The following AGAP2 variants were observed in gnomAD, a reference collection of about 807,000 sequenced individuals.
AGAP2 encodes the protein ArfGAP with GTPase domain, ankyrin repeat and PH domain 2.
Under a neutral mutation model 110.9 loss-of-function variants are expected in AGAP2, and 32 were observed. The ratio of observed to expected loss-of-function variants is 0.29; its 90% CI spans 0.22 to 0.39. The LOEUF (loss-of-function observed/expected upper bound fraction) is 0.39. Among genes scored for constraint, AGAP2 ranks in the 10% least tolerant of loss-of-function variants. The pLI, the probability that AGAP2 is intolerant of heterozygous loss-of-function variation, is 1.00. For missense variants in AGAP2, 1,285 were observed against 1,638.5 expected, an observed-to-expected ratio of 0.78 and a Z score of 3.72; for synonymous variants, 702 against 713.0, an observed-to-expected ratio of 0.98 and a Z score of 0.25.
rs745325358 is a variant in AGAP2 at position 57,731,956 on chromosome 12, C to G, written c.1806G>C (p.Gly602=). The G allele has an allele frequency of 1.2e-6, 2 of 1,613,464 alleles. No individual in the cohort carries two copies. The highest frequency in any genetic ancestry group is 2.2e-5 in the East Asian group (1 of 44,870). The change falls in exon 8 of 19, where the codon GGG becomes GGC. Residue 602 remains glycine, a synonymous_variant. Coordinates refer to ENST00000547588, the MANE Select transcript of AGAP2 (RefSeq NM_001122772.3). ...STPVAGQASN[G]GHTSDYSSSL... ...AAGAAGAGTAGTCGCTAGTGTGGCC[C>G]CCGTTACTAGCCTGGGCACATATGG...
Position 57,737,385 on chromosome 12 carries a change from C to G in AGAP2, c.862G>C (p.Gly288Arg), listed in dbSNP as rs1291957842. ...GGGAGGGTTAGCGGAGGAGGAGAGC[C>G]GGCAGGCGGTCCCGGATGCAAGTCA... ...NSDLHPGPPA[G>R]SPPPLTLPPT... Residue 288 changes from glycine to arginine, a missense_variant, in exon 1 of 19, where the codon GGC becomes CGC. Coordinates refer to ENST00000547588, the MANE Select transcript of AGAP2 (RefSeq NM_001122772.3). The surrounding 1 kb of genome is among the most constrained non-coding windows in gnomAD (Gnocchi z 5.9). The G allele has an allele frequency of 6.2e-7, 1 of 1,613,668 alleles. No individual in the cohort carries two copies. Among genetic ancestry groups the G allele is most frequent in the Non-Finnish European group, 8.5e-7 (1 of 1,179,814 alleles).
In AGAP2 at chr12:57,736,925, T is replaced by C. The variant is rs528158624; in HGVS notation, c.1168+154A>G. ...TACTCGCCCCGCTTCAGGACTCCTA[T>C]TCTTTGCCCCAATCCTTGACAGAGG... On this transcript the variant is annotated intron_variant, in intron 1 of 18. Transcript: ENST00000547588. Among the ~76,000 whole-genome samples, 10 of 152,316 alleles carry C rather than the reference T, an allele frequency of 6.6e-5. No homozygotes were observed. The South Asian group carries it at 1.7e-3, about 25-fold the overall frequency.
At chr12:57,740,676 GC>G (rs1388903787), upstream of AGAP2, among the ~76,000 whole-genome samples, 1 of 152,056 alleles carries the variant, frequency 6.6e-6, no homozygotes, top group Non-Finnish European at 1.5e-5. Flanking sequence ...TCCCTAGGAG[GC>G]CCCATGGCCC....
rs965547478 is a variant in AGAP2, at chr12:57,730,690, C to T, written c.2309-76G>A. ...CCTTATGTGGTCCCTCTTTATCACC[C>T]AGCTTCCTACTCGCCCAGTGCCAGC... On this transcript the variant is annotated intron_variant, in intron 11 of 18. Coordinates refer to ENST00000547588, the MANE Select transcript of AGAP2 (RefSeq NM_001122772.3). The T allele has an allele frequency of 3.7e-6, 6 of 1,605,320 alleles. No individual in the cohort carries two copies. The African/African-American group carries it at 4.0e-5, about 11-fold the overall frequency.
At position 57,737,992 on chromosome 12, in the gene AGAP2, G is replaced by C. The variant is rs1032545027; in HGVS notation, c.255C>G (p.Thr85=). The change falls in exon 1 of 19, where the codon ACC becomes ACG. Residue 85 remains threonine, a synonymous_variant. Coordinates refer to ENST00000547588, the MANE Select transcript of AGAP2 (RefSeq NM_001122772.3). This position sits in a 1 kb window ranked among gnomAD's most constrained non-coding sequence, Gnocchi z 5.9. The part of the protein sequence containing the change: ...ALWISTSSAG[T]GGAEPPALSP... ...ACAGGGCTGGGGGCTCCGCGCCCCC[G>C]GTGCCCGCGCTGCTCGTGCTGATCC... The C allele has an allele frequency of 1.8e-5, 26 of 1,457,350 alleles. No homozygotes were observed. The East Asian group carries it at 6.2e-4, about 35-fold the overall frequency. 90.3% of individuals were successfully genotyped at this position (1,457,350 alleles called of 1,614,324 possible). A position where few individuals can be genotyped will look rare whatever the true frequency, so the allele number is the denominator to read the frequency against.
chr12:57,727,744 C>A lies in AGAP2; in HGVS notation c.2794G>T (p.Val932Leu). The A allele has an allele frequency of 6.3e-7, 1 of 1,589,228 alleles. No individual in the cohort carries two copies. Among genetic ancestry groups the A allele is most frequent in the South Asian group, 1.2e-5 (1 of 86,540 alleles). ...KLRTDSQSEA[V>L]AIQAIRNAKG... Reference sequence around the variant, plus strand: ...GCGTTCCGGATCGCCTGGATGGCCACGGCCTCGCTTTGGCTGTCTGTGCGC... The same window carrying A: ...GCGTTCCGGATCGCCTGGATGGCCAAGGCCTCGCTTTGGCTGTCTGTGCGC... Residue 932 changes from valine (V) to leucine (L), a missense_variant, in exon 16 of 19, where the codon GTG becomes TTG. Around this residue, in one of 7 missense-constraint regions of AGAP2, gnomAD observed 39 missense variants for 45.8 expected, o/e 0.85. Coordinates refer to ENST00000547588, the MANE Select transcript of AGAP2 (RefSeq NM_001122772.3).
chr12:57,731,095 G>T, intron 10 of AGAP2, 142 bp from the exon 11 acceptor site: 1 of 959,210 alleles, frequency 1.0e-6, no homozygotes, highest in Non-Finnish European at 1.5e-6. Flanking sequence ...TAGGGGATGG[G>T]CCCATCAGAC....
chr12:57,728,480 G>A (rs1595082448), intron 13 of AGAP2, 103 bp from the exon 14 acceptor site: 26 of 1,201,368 alleles, frequency 2.2e-5, no homozygotes, highest in Non-Finnish European at 3.0e-5. Context: ...GAGAGATGGA[G>A]AGAGATAGTG....
In AGAP2 at chr12:57,738,625, C is replaced by G. The variant is rs1338102761; in HGVS notation, c.-379G>C. 6.6e-6 allele frequency among the ~76,000 whole-genome samples: 1 copy of G among 151,486 alleles called. No individual in the cohort carries two copies. The highest frequency in any genetic ancestry group is 1.5e-5 in the Non-Finnish European group (1 of 67,794). ...GAGGAAAAGGGAGCAGAAAAGGGGA[C>G]CGGAGGCTAGGGGAAACGAACCTGT... On this transcript the variant is annotated 5_prime_UTR_variant, in exon 1 of 19. Coordinates refer to ENST00000547588, the MANE Select transcript of AGAP2 (RefSeq NM_001122772.3). The surrounding 1 kb of genome is among the most constrained non-coding windows in gnomAD (Gnocchi z 6.7).
At position 57,729,765 on chromosome 12, in the gene AGAP2, A is replaced by G. The variant is rs761754976; in HGVS notation, c.2431T>C (p.Cys811Arg). 5.6e-6 allele frequency: 9 copies of G among 1,602,060 alleles called. No individual in the cohort carries two copies. The highest frequency in any genetic ancestry group is 7.7e-6 in the Non-Finnish European group (9 of 1,175,686). The change falls in exon 13 of 19, where the codon TGT (cysteine) becomes CGT (arginine). Residue 811 changes from cysteine (C) to arginine (R), a missense_variant and splice_region_variant. Cys to Arg is a radical substitution (Grantham distance 180). Transcript: ENST00000547588. ...GGGCTCAGGTCTCCAGATGGGGTACAGTCTTAGGGAGGAAGACACAGCTGC... is the reference window on the plus strand; with the variant it reads ...GGGCTCAGGTCTCCAGATGGGGTACGGTCTTAGGGAGGAAGACACAGCTGC... ...RNLARALSTDCTPSGDLSPLS... is the reference protein window; with the variant it reads ...RNLARALSTDRTPSGDLSPLS...
At chr12:57,734,846 G>A (rs941663666) in intron 2 of AGAP2, among the ~76,000 whole-genome samples, 167 bp from the exon 3 acceptor site, 5 of 151,956 alleles carry the variant, frequency 3.3e-5, no homozygotes. Context: ...AGAGCAGCTG[G>A]GGGGATCAGA....
rs1205150552 is a variant in AGAP2, at chr12:57,726,626, CGGTGATGCTGGGCGTGGT to C, written c.3487_3504del (p.Thr1163_Thr1168del). The C allele has an allele frequency of 2.9e-5, 35 of 1,200,286 alleles. No individual in the cohort carries two copies. Among genetic ancestry groups the C allele is most frequent in the Non-Finnish European group, 3.5e-5 (34 of 967,986 alleles). 74.4% of individuals were successfully genotyped at this position (1,200,286 alleles called of 1,614,324 possible). ...CTCCGGCGGCGGGGGCTGGGCGTGG[CGGTGATGCTGGGCGTGGT>C]GGCCGCGCTGGGCGTGGTGGCCGCG... On this transcript the variant is annotated inframe_deletion, in exon 19 of 19. Coordinates refer to ENST00000547588, the MANE Select transcript of AGAP2 (RefSeq NM_001122772.3). The surrounding 1 kb of genome is among the most constrained non-coding windows in gnomAD (Gnocchi z 5.7).
At position 57,725,337 on chromosome 12, in the gene AGAP2, GAAAAAAAA is replaced by G. The variant is rs34556182; in HGVS notation, c.*1207_*1214del. 2 of 119,128 alleles carry G rather than the reference GAAAAAAAA, an allele frequency of 1.7e-5. No individual in the cohort carries two copies. Among genetic ancestry groups the G allele is most frequent in the Non-Finnish European group, 3.4e-5 (2 of 59,156 alleles). 7.4% of individuals were successfully genotyped at this position (119,128 alleles called of 1,614,324 possible). A position where few individuals can be genotyped will look rare whatever the true frequency, so the allele number is the denominator to read the frequency against. On this transcript the variant is annotated 3_prime_UTR_variant, in exon 19 of 19. Transcript: ENST00000547588. ...GGTCCTTTGCAAACTATTTTAGCCA[GAAAAAAAA>G]AAAAAAAAAAAGACCGGAAACCACT...
At chr12:57,730,640 T>G (rs2140357870) in intron 11 of AGAP2, 26 bp from the exon 12 acceptor site, 1 of 1,609,480 alleles carries the variant, frequency 6.2e-7, no homozygotes, top group Middle Eastern at 1.7e-4. Context: ...GAAACCTCAG[T>G]GAGCCTCTTT....
rs1955034209 is a variant in AGAP2, at chr12:57,738,509, G to A, written c.-263C>T. ...GACCTTGGTGCTGCTCCAGGGAGGCGCGCCGGACCGTCCACCCCGGCCTGG... is the reference window on the plus strand; with the variant it reads ...GACCTTGGTGCTGCTCCAGGGAGGCACGCCGGACCGTCCACCCCGGCCTGG... On this transcript the variant is annotated 5_prime_UTR_variant, in exon 1 of 19. Transcript: ENST00000547588. This position sits in a 1 kb window ranked among gnomAD's most constrained non-coding sequence, Gnocchi z 6.7. Among the ~76,000 whole-genome samples, 1 of 151,882 alleles carries A rather than the reference G, an allele frequency of 6.6e-6. No homozygotes were observed. The highest frequency in any genetic ancestry group is 2.4e-5 in the African/African-American group (1 of 41,390).
At chr12:57,736,297 G>A (rs936819591) in intron 1 of AGAP2, among the ~76,000 whole-genome samples, 2 of 152,170 alleles carry the variant, frequency 1.3e-5, no homozygotes, top group African/African-American at 4.8e-5. Context: ...CCTCCAGTAG[G>A]AAAATAGTAA....
At chr12:57,733,578 C>T (rs1338003157) in intron 5 of AGAP2, among the ~76,000 whole-genome samples, 1 of 152,212 alleles carries the variant, frequency 6.6e-6, no homozygotes, top group African/African-American at 2.4e-5. Flanking sequence ...CTGCTCTCTT[C>T]TTTTCATCAT....
At position 57,726,512 on chromosome 12, in the gene AGAP2, C is replaced by T. The variant is rs1954764987; in HGVS notation, c.*40G>A. On this transcript the variant is annotated 3_prime_UTR_variant, in exon 19 of 19. Coordinates refer to ENST00000547588, the MANE Select transcript of AGAP2 (RefSeq NM_001122772.3). The surrounding 1 kb of genome is among the most constrained non-coding windows in gnomAD (Gnocchi z 5.7). ...GCGGTCCGCCCGGTGTGGTCGTGCC[C>T]GGCCCGCGTGGGGATGGGGGTGTCT... 2 of 1,197,940 alleles carry T rather than the reference C, an allele frequency of 1.7e-6. No homozygotes were observed. The highest frequency in any genetic ancestry group is 2.1e-6 in the Non-Finnish European group (2 of 964,802). 74.2% of individuals were successfully genotyped at this position (1,197,940 alleles called of 1,614,324 possible). A position where few individuals can be genotyped will look rare whatever the true frequency, so the allele number is the denominator to read the frequency against.
intron 12 of AGAP2, among the ~76,000 whole-genome samples, 182 bp from the exon 13 acceptor site, chr12:57,729,949 A>C (rs1283907838): frequency 2.6e-5 from 4 of 152,192 alleles, no homozygotes; most frequent in Admixed American, 2.6e-4. Context: ...GTTTAGAGTC[A>C]GTCCTGCACT....
Sources: allele counts gnomAD v4.1 joint callset (sites outside exome capture counted in the v4.1 genomes callset), GRCh38; gene constraint gnomAD v4.1.1; regional missense constraint gnomAD v4.1.1; non-coding constraint Gnocchi (gnomAD v3.1); transcripts MANE v1.5; gene names NCBI Gene and HGNC (gene_info 2026-07-23, HGNC 2026-07-21).